MED13L: variants seen among roughly 807,000 people sequenced by gnomAD.
The protein encoded by MED13L is mediator of RNA polymerase II transcription subunit 13-like.
A neutral mutation model predicts 220.9 loss-of-function variants in MED13L; 7 were observed. The ratio of observed to expected loss-of-function variants is 0.03; its 90% CI spans 0.02 to 0.06. The LOEUF is 0.06. Among genes scored for constraint, MED13L ranks in the 10% least tolerant of loss-of-function variants. The pLI is 1.00. For synonymous variants in MED13L, 1,011 were observed against 1,015.2 expected (o/e 1.00, Z 0.08); for missense variants, 1,965 against 2,760.5 (o/e 0.71, Z 6.46).
chr12:116,185,153 T>C, intron 2 of MED13L, among the ~76,000 whole-genome samples: 2 of 152,270 alleles, frequency 1.3e-5, no homozygotes, highest in Middle Eastern at 6.8e-3. Flanking sequence ...TCGTAACTAG[T>C]AAAAATCAGG....
At chr12:116,131,176 A>G (rs1565892288) in intron 2 of MED13L, among the ~76,000 whole-genome samples, 1 of 152,240 alleles carries the variant, frequency 6.6e-6, no homozygotes. Context: ...AAGACAGTCT[A>G]AAGTTCCACT....
At chr12:116,229,594 C>T (rs2138426376) in intron 2 of MED13L, among the ~76,000 whole-genome samples, 1 of 152,294 alleles carries the variant, frequency 6.6e-6, no homozygotes, top group Non-Finnish European at 1.5e-5. Flanking sequence ...TACTTACACT[C>T]AAAAGATAGA....
Position 116,008,852 on chromosome 12 carries a change from T to C in MED13L, c.1561A>G (p.Ser521Gly). Residue 521 changes from serine to glycine, a missense_variant, in exon 10 of 31, where the codon AGC becomes GGC. Ser to Gly is a moderately conservative substitution (Grantham distance 56). This residue lies in a region of MED13L where 818 missense variants were observed against 1,041.2 expected (regional missense o/e 0.79). Transcript: ENST00000281928. ...AGIDSSLEVS[S>G]SRKYDKQMAV... ...ATTTGCTTATCATATTTCCTACTGC[T>C]AGACACCTCTAAGGAGGAGTCTATC... 1 of 1,614,122 alleles carries C rather than the reference T, an allele frequency of 6.2e-7. No individual in the cohort carries two copies. Among genetic ancestry groups the C allele is most frequent in the East Asian group, 2.2e-5 (1 of 44,854 alleles).
At chr12:116,169,647 C>A (rs2138176747) in intron 2 of MED13L, among the ~76,000 whole-genome samples, 1 of 152,272 alleles carries the variant, frequency 6.6e-6, no homozygotes, top group South Asian at 2.1e-4. Context: ...ATTGCAGATA[C>A]CTTTCTCTAA....
chr12:115,964,541 T>G (rs140913477), intron 29 of MED13L, among the ~76,000 whole-genome samples: 55 of 152,350 alleles, frequency 3.6e-4, no homozygotes, highest in African/African-American at 1.3e-3. Context: ...CTTTATTTTT[T>G]TATTTTTCAG....
chr12:116,237,317 G>T, intron 2 of MED13L, 151 bp downstream of exon 2: 1 of 699,674 alleles, frequency 1.4e-6, no homozygotes, highest in Non-Finnish European at 2.5e-6. Flanking sequence ...GGGATGGGAG[G>T]AAGAGGGGTG....
Position 116,277,095 on chromosome 12 carries a change from T to C in MED13L, c.37A>G (p.Ser13Gly). The C allele has an allele frequency of 6.3e-7, 1 of 1,590,422 alleles. No homozygotes were observed. The highest frequency in any genetic ancestry group is 8.5e-7 in the Non-Finnish European group (1 of 1,170,364). Residue 13 changes from serine (S) to glycine (G), a missense_variant, in exon 1 of 31, where the codon AGC becomes GGC. Ser to Gly is a moderately conservative substitution (Grantham distance 56). Coordinates refer to ENST00000281928, the MANE Select transcript of MED13L (RefSeq NM_015335.5). Reference sequence around the variant, plus strand: ...AGGTTGGAGTGACAATCCTCCAGGCTCGCCCCGTTCGCCACCCAGTTCGCT... The same window carrying C: ...AGGTTGGAGTGACAATCCTCCAGGCCCGCCCCGTTCGCCACCCAGTTCGCT... Reference protein sequence around the residue: ...AAANWVANGASLEDCHSNLFS... With the variant: ...AAANWVANGAGLEDCHSNLFS...
chr12:115,970,718 C>T lies in MED13L; in HGVS notation c.5943G>A (p.Gln1981=). 1 of 1,614,070 alleles carries T rather than the reference C, an allele frequency of 6.2e-7. No individual in the cohort carries two copies. The highest frequency in any genetic ancestry group is 2.2e-5 in the East Asian group (1 of 44,882). Residue 1981 remains glutamine, a synonymous_variant, in exon 27 of 31, where the codon CAG becomes CAA. Coordinates refer to ENST00000281928, the MANE Select transcript of MED13L (RefSeq NM_015335.5). ...VFGRSTALNM[Q]SSQLNTPQDA... ...CTTGAGGGGTGTTGAGCTGAGATGA[C>T]TGCATGTTCAGTGCAGTACTTCGGC...
intron 2 of MED13L, among the ~76,000 whole-genome samples, chr12:116,114,508 C>T (rs947366198): frequency 1.3e-5 from 2 of 151,798 alleles, no homozygotes; most frequent in Admixed American, 6.6e-5. Flanking sequence ...CAAACAACAA[C>T]AAAAAAAACT....
At chr12:116,095,091 G>A (rs901081302) in intron 4 of MED13L, among the ~76,000 whole-genome samples, 1 of 152,124 alleles carries the variant, frequency 6.6e-6, no homozygotes, top group Non-Finnish European at 1.5e-5. Context: ...GAACCCGGGA[G>A]GCAGAGGTTG....
intron 2 of MED13L, among the ~76,000 whole-genome samples, chr12:116,116,825 T>G (rs1874563039): frequency 6.6e-6 from 1 of 151,742 alleles, no homozygotes; most frequent in South Asian, 2.1e-4. Context: ...TCTCCACCTC[T>G]GCAACATTTG....
At chr12:116,241,610 C>T (rs1022328777) in intron 1 of MED13L, among the ~76,000 whole-genome samples, 3 of 152,122 alleles carry the variant, frequency 2.0e-5, no homozygotes, top group African/African-American at 7.2e-5. Flanking sequence ...CATCTATGCT[C>T]TCAGTGGCAA....
intron 1 of MED13L, among the ~76,000 whole-genome samples, chr12:116,269,330 T>A (rs1873071337): frequency 6.6e-6 from 1 of 152,070 alleles, no homozygotes; most frequent in Non-Finnish European, 1.5e-5. Context: ...GAGCTGGGAT[T>A]ACAGGCCTGA....
chr12:116,050,626 T>C (rs1394351134), intron 4 of MED13L, among the ~76,000 whole-genome samples: 1 of 152,118 alleles, frequency 6.6e-6, no homozygotes, highest in African/African-American at 2.4e-5. Flanking sequence ...AGTCTCTAAT[T>C]TAAGTGTATA....
intron 29 of MED13L, among the ~76,000 whole-genome samples, chr12:115,965,385 A>G (rs1423114484): frequency 6.6e-6 from 1 of 152,198 alleles, no homozygotes; most frequent in East Asian, 1.9e-4. Flanking sequence ...TATTCCTTAG[A>G]GGTGGGATTG....
chr12:116,021,161 C>T (rs907945860), intron 5 of MED13L, among the ~76,000 whole-genome samples: 22 of 152,086 alleles, frequency 1.4e-4, no homozygotes, highest in Admixed American at 1.2e-3. Flanking sequence ...GGAAAATAAG[C>T]AGAATAATGC....
At chr12:116,206,523 G>A (rs777290547) in intron 2 of MED13L, among the ~76,000 whole-genome samples, 111 of 152,046 alleles carry the variant, frequency 7.3e-4, no homozygotes, top group Admixed American at 2.1e-3. Context: ...ACATCTATCA[G>A]TGAAGAAGGA....
intron 2 of MED13L, among the ~76,000 whole-genome samples, chr12:116,235,707 A>C (rs1427533467): frequency 2.0e-5 from 3 of 152,216 alleles, no homozygotes; most frequent in Non-Finnish European, 1.5e-5. Flanking sequence ...CTCAGTAACA[A>C]AGCCCATGAA....
intron 2 of MED13L, among the ~76,000 whole-genome samples, chr12:116,204,084 G>T (rs1031344427): frequency 2.0e-5 from 3 of 152,166 alleles, no homozygotes; most frequent in African/African-American, 7.2e-5. Context: ...TACCACAATA[G>T]CTACTGATCT....
Sources: gnomAD v4.1 joint callset for allele counts (sites outside exome capture counted in the v4.1 genomes callset) on GRCh38, gnomAD v4.1.1 for gene constraint, gnomAD v4.1.1 regional missense constraint, MANE v1.5 for transcripts, NCBI Gene and HGNC (gene_info 2026-07-23, HGNC 2026-07-21) for gene names.